AOPEP: variants seen among roughly 807,000 people sequenced by gnomAD.
AOPEP encodes the protein aminopeptidase O (putative), also known as aminopeptidase O.
In AOPEP, 77 loss-of-function variants were observed where a neutral mutation model predicts 98.1. That is an observed-to-expected ratio of 0.78 (90% CI 0.65 to 0.95). The LOEUF is 0.95. AOPEP is among the 40% of genes least tolerant of loss of function. The pLI, the probability that AOPEP is intolerant of heterozygous loss-of-function variation, is 0.00. For missense variants in AOPEP, 1,024 were observed against 1,024.7 expected, an observed-to-expected ratio of 1.00 and a Z score of 0.01; for synonymous variants, 346 against 365.3, an observed-to-expected ratio of 0.95 and a Z score of 0.60.
chr9:94,790,386 C>T (rs539573158), intron 3 of AOPEP, among the ~76,000 whole-genome samples: 1 of 152,090 alleles, frequency 6.6e-6, no homozygotes, highest in Admixed American at 6.5e-5. Flanking sequence ...AGGCTGGTCT[C>T]GAACTCCTGA....
At chr9:94,884,503 T>C (rs1049720207) in intron 5 of AOPEP, among the ~76,000 whole-genome samples, 9 of 152,070 alleles carry the variant, frequency 5.9e-5, no homozygotes, top group Non-Finnish European at 1.5e-5. Flanking sequence ...ACTTGGGATA[T>C]AAAGAGGCTG....
At chr9:94,892,066 T>C (rs1264552632) in intron 5 of AOPEP, among the ~76,000 whole-genome samples, 1 of 152,196 alleles carries the variant, frequency 6.6e-6, no homozygotes, top group Non-Finnish European at 1.5e-5. Flanking sequence ...AAATTAGTAT[T>C]TACTTATAGA....
intron 11 of AOPEP, among the ~76,000 whole-genome samples, chr9:94,989,901 G>A (rs569063489): frequency 4.4e-4 from 67 of 152,248 alleles, no homozygotes; most frequent in African/African-American, 1.5e-3. Context: ...GAGCCACTGC[G>A]CCCGGCCAAG....
chr9:94,782,467 C>T (rs1843508077), intron 3 of AOPEP, among the ~76,000 whole-genome samples: 1 of 152,174 alleles, frequency 6.6e-6, no homozygotes, highest in South Asian at 2.1e-4. Flanking sequence ...CATTCTCTTT[C>T]TTTTGACTTT....
intron 5 of AOPEP, among the ~76,000 whole-genome samples, chr9:94,846,849 G>C (rs1458349557): frequency 1.3e-5 from 2 of 152,198 alleles, no homozygotes; most frequent in Non-Finnish European, 2.9e-5. Flanking sequence ...GGTTGAGGCT[G>C]CAGTGAGCCA....
At chr9:95,088,326 C>T (rs1258111154), downstream of AOPEP, among the ~76,000 whole-genome samples, 1 of 152,126 alleles carries the variant, frequency 6.6e-6, no homozygotes, top group East Asian at 1.9e-4. Context: ...TCTCCTGCCC[C>T]AGCCTCCCGA....
the AOPEP span, among the ~76,000 whole-genome samples, chr9:95,147,671 A>G: frequency 6.6e-6 from 1 of 152,232 alleles, no homozygotes; most frequent in Non-Finnish European, 1.5e-5. Context: ...ACAGATGTTA[A>G]TGATTTACCT....
intron 2 of AOPEP, among the ~76,000 whole-genome samples, chr9:94,764,169 G>A (rs1178168019): frequency 1.3e-5 from 2 of 152,192 alleles, no homozygotes; most frequent in African/African-American, 4.8e-5. Flanking sequence ...TGGCATCTTT[G>A]TGGTCTTCCT....
chr9:94,987,512 G>A (rs12553520), intron 11 of AOPEP, among the ~76,000 whole-genome samples: 1 of 152,198 alleles, frequency 6.6e-6, no homozygotes, highest in Admixed American at 6.5e-5. Context: ...TCAGCGGGTA[G>A]CATCCCAGCC....
At chr9:94,914,334 G>A (rs2052493997) in intron 5 of AOPEP, among the ~76,000 whole-genome samples, 1 of 152,230 alleles carries the variant, frequency 6.6e-6, no homozygotes, top group Non-Finnish European at 1.5e-5. Context: ...GACCAGCTCC[G>A]ATTCAGCTGC....
intron 13 of AOPEP, among the ~76,000 whole-genome samples, chr9:95,041,719 C>T (rs1319732752): frequency 6.6e-6 from 1 of 152,124 alleles, no homozygotes; most frequent in Non-Finnish European, 1.5e-5. Context: ...GATCAAGACG[C>T]GGTGGCCCCT....
chr9:94,938,888 C>T (rs1295236006), intron 7 of AOPEP, among the ~76,000 whole-genome samples: 1 of 152,106 alleles, frequency 6.6e-6, no homozygotes, highest in African/African-American at 2.4e-5. Context: ...GGCATAAGTT[C>T]GGAAGACCTT....
chr9:95,042,755 T>C (rs2065448610), intron 13 of AOPEP, among the ~76,000 whole-genome samples: 2 of 152,340 alleles, frequency 1.3e-5, no homozygotes, highest in South Asian at 4.1e-4. Flanking sequence ...CTGCCTTTTC[T>C]ACTTATATGG....
intron 2 of AOPEP, 79 bp downstream of exon 2, chr9:94,760,659 C>A: frequency 8.5e-7 from 1 of 1,175,816 alleles, no homozygotes; most frequent in Non-Finnish European, 1.2e-6. Flanking sequence ...ATGAGACCGG[C>A]TCTGCAGAGA....
At chr9:95,033,699 T>C (rs1359945959) in intron 13 of AOPEP, among the ~76,000 whole-genome samples, 1 of 152,244 alleles carries the variant, frequency 6.6e-6, no homozygotes, top group Non-Finnish European at 1.5e-5. Context: ...TGGGAAATTT[T>C]TGACATTTAA....
chr9:94,735,857 A>G (rs998396037), intron 1 of AOPEP, among the ~76,000 whole-genome samples: 1 of 152,144 alleles, frequency 6.6e-6, no homozygotes, highest in African/African-American at 2.4e-5. Flanking sequence ...CTTGGCAACT[A>G]CTTTCTGTCC....
intron 1 of AOPEP, among the ~76,000 whole-genome samples, chr9:94,733,099 CTTTCTCTTTTT>C (rs1371592740): frequency 3.6e-5 from 5 of 140,220 alleles, no homozygotes; most frequent in Non-Finnish European, 6.2e-5. Flanking sequence ...TAATCATTTT[CTTTCTCTTTTT>C]TTTTTTTTTT....
chr9:94,827,124 T>C (rs1166309340), intron 5 of AOPEP, among the ~76,000 whole-genome samples: 1 of 152,162 alleles, frequency 6.6e-6, no homozygotes, highest in East Asian at 1.9e-4. Flanking sequence ...TTCTCTTCTT[T>C]TCTGTGGCTT....
At chr9:94,740,484 A>G (rs780792495) in intron 1 of AOPEP, among the ~76,000 whole-genome samples, 4 of 152,238 alleles carry the variant, frequency 2.6e-5, no homozygotes, top group Non-Finnish European at 5.9e-5. Context: ...TGATTAATGC[A>G]TAACCCTTCC....
Sources: allele counts gnomAD v4.1 joint callset (sites outside exome capture counted in the v4.1 genomes callset), GRCh38; gene constraint gnomAD v4.1.1; transcripts MANE v1.5; gene names NCBI Gene and HGNC (gene_info 2026-07-23, HGNC 2026-07-21).